Variants in CACUL1 observed in about 807,000 individuals in gnomAD.
CACUL1 encodes the protein CDK2-associated and cullin domain-containing protein 1.
CACUL1 carries 13 observed loss-of-function variants against 45.2 expected under a neutral mutation model. The ratio of observed to expected loss-of-function variants is 0.29; its 90% CI spans 0.19 to 0.46. The LOEUF (loss-of-function observed/expected upper bound fraction) is 0.46, where lower values mean the gene tolerates loss of function less well. Ranked by LOEUF, CACUL1 falls within the 20% of genes least tolerant of loss-of-function variation. CACUL1 has a pLI of 1.00. For synonymous variants in CACUL1, 197 were observed against 174.2 expected, an observed-to-expected ratio of 1.13 and a Z score of -1.03; for missense variants, 421 against 471.4, an observed-to-expected ratio of 0.89 and a Z score of 0.99.
At chr10:118,692,017 A>C (rs1035282884) in intron 6 of CACUL1, among the ~76,000 whole-genome samples, 1 of 152,184 alleles carries the variant, frequency 6.6e-6, no homozygotes, top group Non-Finnish European at 1.5e-5. Context: ...GAAAACATGA[A>C]TGTGATTACC....
rs1845113763 is a variant in CACUL1, at chr10:118,677,956, A to G, written c.*8172T>C. 6.6e-6 allele frequency: 1 copy of G among 152,232 alleles called. No individual in the cohort carries two copies. Among genetic ancestry groups the G allele is most frequent in the East Asian group, 1.9e-4 (1 of 5,200 alleles). 9.4% of individuals were successfully genotyped at this position (152,232 alleles called of 1,614,324 possible). A position where few individuals can be genotyped will look rare whatever the true frequency, so the allele number is the denominator to read the frequency against. ...AAGTGCAGATTTACACGCCAACAAC[A>G]GGTGAAGGTTTGTTGTCATAAACTC... On this transcript the variant is annotated 3_prime_UTR_variant, in exon 9 of 9. Transcript: ENST00000369151.
Position 118,754,917 on chromosome 10 carries a change from C to T in CACUL1, c.-155G>A, listed in dbSNP as rs1845942962. On this transcript the variant is annotated 5_prime_UTR_variant, in exon 1 of 9. Transcript: ENST00000369151. ...GGTGCGCAGGGTCTCTCGCTCTCCG[C>T]GGGGCCGACTAGCTTGAAGACGCGG... 1.9e-6 allele frequency: 2 copies of T among 1,065,294 alleles called. No individual in the cohort carries two copies. Among genetic ancestry groups the T allele is most frequent in the South Asian group, 1.8e-5 (1 of 54,462 alleles). The allele number at this position is 1,065,294 out of a possible 1,614,324, so 66.0% of individuals were successfully genotyped here. A position where few individuals can be genotyped will look rare whatever the true frequency, so the allele number is the denominator to read the frequency against.
rs535117910 is a variant in CACUL1, at chr10:118,748,107, G to A, written c.367+6289C>T. On this transcript the variant is annotated intron_variant, in intron 1 of 8. Coordinates refer to ENST00000369151, the MANE Select transcript of CACUL1 (RefSeq NM_153810.5). ...CTCCAAAAAAAAAGAGAGAGACAGA[G>A]AAACATAGGGAAGTATTTCAGGGTG... 4.3e-4 allele frequency among the ~76,000 whole-genome samples: 65 copies of A among 152,278 alleles called. 1 individual carries two copies. The highest frequency in any genetic ancestry group is 2.3e-3 in the South Asian group (11 of 4,826).
intron 3 of CACUL1, among the ~76,000 whole-genome samples, chr10:118,721,157 TAAA>T (rs1159746893): frequency 6.6e-6 from 1 of 152,114 alleles, no homozygotes; most frequent in East Asian, 1.9e-4. Context: ...TTAAAACACA[TAAA>T]AAATTTCAAA....
At chr10:118,691,763 AG>A (rs1845270744) in intron 6 of CACUL1, among the ~76,000 whole-genome samples, 1 of 146,322 alleles carries the variant, frequency 6.8e-6, no homozygotes, top group Non-Finnish European at 1.5e-5. Flanking sequence ...GCTACTCAGG[AG>A]GCTGAGGCAG....
intron 3 of CACUL1, among the ~76,000 whole-genome samples, chr10:118,719,950 G>C (rs919079420): frequency 4.6e-5 from 7 of 152,122 alleles, no homozygotes; most frequent in African/African-American, 1.4e-4. Flanking sequence ...ATCTTCAGGA[G>C]CTATTTAAGA....
At chr10:118,744,889 T>C (rs1450018264) in intron 1 of CACUL1, among the ~76,000 whole-genome samples, 2 of 151,978 alleles carry the variant, frequency 1.3e-5, no homozygotes, top group Non-Finnish European at 2.9e-5. Context: ...CTCCTGACCT[T>C]GTGATTCACC....
intron 1 of CACUL1, among the ~76,000 whole-genome samples, chr10:118,734,027 A>T (rs1462418233): frequency 6.6e-6 from 1 of 152,126 alleles, no homozygotes; most frequent in Admixed American, 6.5e-5. Context: ...AACAAAACAA[A>T]ACACAAAAGA....
At chr10:118,729,628 T>C (rs1386223797) in intron 2 of CACUL1, among the ~76,000 whole-genome samples, 1 of 152,252 alleles carries the variant, frequency 6.6e-6, no homozygotes, top group East Asian at 1.9e-4. Context: ...GTATTACACA[T>C]TTAATCAGTA....
chr10:118,723,225 T>C (rs1479553722), intron 3 of CACUL1, among the ~76,000 whole-genome samples: 6 of 152,146 alleles, frequency 3.9e-5, no homozygotes, highest in Non-Finnish European at 8.8e-5. Context: ...AATTATTCCA[T>C]TTTTTCCCCT....
At chr10:118,692,427 G>A (rs1845281372) in intron 6 of CACUL1, 1 of 152,014 alleles carries the variant, frequency 6.6e-6, no homozygotes, top group Non-Finnish European at 1.5e-5. Flanking sequence ...CCAGATAAAT[G>A]AGTGAAAGAA....
At chr10:118,726,795 T>C (rs1217526270) in intron 3 of CACUL1, among the ~76,000 whole-genome samples, 2 of 152,076 alleles carry the variant, frequency 1.3e-5, no homozygotes, top group Non-Finnish European at 2.9e-5. Context: ...GTCTAGTAAA[T>C]CTACTTCATT....
chr10:118,678,669 T>C lies in CACUL1; in HGVS notation c.*7459A>G, dbSNP rs940856213. On this transcript the variant is annotated 3_prime_UTR_variant, in exon 9 of 9. Transcript: ENST00000369151. ...TTAAAATTTATTCTTAGGTACTTTTTCTTGTCCTATTATAAACAGCATTTC... is the reference window on the plus strand; with the variant it reads ...TTAAAATTTATTCTTAGGTACTTTTCCTTGTCCTATTATAAACAGCATTTC... 7.2e-5 allele frequency: 11 copies of C among 152,232 alleles called. No homozygotes were observed. The highest frequency in any genetic ancestry group is 2.7e-4 in the African/African-American group (11 of 41,460). The allele number at this position is 152,232 out of a possible 1,614,324, so 9.4% of individuals were successfully genotyped here. A position where few individuals can be genotyped will look rare whatever the true frequency, so the allele number is the denominator to read the frequency against.
rs1845163799 is a variant in CACUL1 at position 118,682,542 on chromosome 10, AT to A, written c.*3585del. 1 of 152,646 alleles carries A rather than the reference AT, an allele frequency of 6.6e-6. No individual in the cohort carries two copies. The highest frequency in any genetic ancestry group is 2.4e-5 in the African/African-American group (1 of 41,450). The allele number at this position is 152,646 out of a possible 1,614,324, so 9.5% of individuals were successfully genotyped here. ...TGCTCACTTCTAACTGCAGAAACCAATTTTGTTTGCTAGATCACCATTACCT... is the reference window on the plus strand; with the variant it reads ...TGCTCACTTCTAACTGCAGAAACCAATTTGTTTGCTAGATCACCATTACCT... On this transcript the variant is annotated 3_prime_UTR_variant, in exon 9 of 9. Coordinates refer to ENST00000369151, the MANE Select transcript of CACUL1 (RefSeq NM_153810.5).
At chr10:118,709,557 A>G (rs1845465149) in intron 3 of CACUL1, among the ~76,000 whole-genome samples, 1 of 152,210 alleles carries the variant, frequency 6.6e-6, no homozygotes, top group Non-Finnish European at 1.5e-5. Context: ...CACAATGCAA[A>G]CAAAACTGAT....
In CACUL1 at chr10:118,703,455, T is replaced by C. The variant is rs1200127434; in HGVS notation, c.694-2047A>G. On this transcript the variant is annotated intron_variant, in intron 4 of 8. Coordinates refer to ENST00000369151, the MANE Select transcript of CACUL1 (RefSeq NM_153810.5). ...ATTGCATATTTTTCTGTGTCTTTCA[T>C]AAATTATTTAAATAATAGTCCCTAC... 2.0e-5 allele frequency among the ~76,000 whole-genome samples: 3 copies of C among 152,336 alleles called. No homozygotes were observed. In the East Asian group the frequency reaches 5.8e-4, roughly 29 times the overall value.
At chr10:118,747,045 C>CGCCA (rs1348652648) in intron 1 of CACUL1, among the ~76,000 whole-genome samples, 1 of 152,072 alleles carries the variant, frequency 6.6e-6, no homozygotes, top group African/African-American at 2.4e-5. Flanking sequence ...CTCAAAGGAG[C>CGCCA]GCCAACCCTA....
intron 5 of CACUL1, among the ~76,000 whole-genome samples, chr10:118,698,291 G>A (rs1338427329): frequency 6.6e-6 from 1 of 151,816 alleles, no homozygotes; most frequent in Non-Finnish European, 1.5e-5. Flanking sequence ...TTACAGGCAC[G>A]TGCCACCACA....
chr10:118,699,518 A>G (rs1312367239), intron 5 of CACUL1, among the ~76,000 whole-genome samples: 1 of 152,226 alleles, frequency 6.6e-6, no homozygotes, highest in Non-Finnish European at 1.5e-5. Context: ...TTTTTCTACC[A>G]AATGGTAGCA....
Sources: gnomAD v4.1 joint callset for allele counts (sites outside exome capture counted in the v4.1 genomes callset) on GRCh38, gnomAD v4.1.1 for gene constraint, MANE v1.5 for transcripts, NCBI Gene and HGNC (gene_info 2026-07-23, HGNC 2026-07-21) for gene names.